Variants in MGAT5 observed in about 807,000 individuals in gnomAD.
MGAT5 encodes alpha-1,6-mannosylglycoprotein 6-beta-N-acetylglucosaminyltransferase, also known as alpha-1,6-mannosylglycoprotein 6-beta-N-acetylglucosaminyltransferase A.
Under a neutral mutation model 94.3 loss-of-function variants are expected in MGAT5, and 30 were observed. That is an observed-to-expected ratio of 0.32 (90% CI 0.24 to 0.43). MGAT5 has a LOEUF of 0.43. MGAT5 is among the 20% of genes least tolerant of loss of function. The probability of loss-of-function intolerance (pLI) is 1.00; values close to 1 mark genes in which losing one functional copy is unlikely to be tolerated. For missense variants in MGAT5, 691 were observed against 905.5 expected (o/e 0.76, Z 3.04); for synonymous variants, 310 against 322.9 (o/e 0.96, Z 0.43).
At chr2:134,212,389 G>T (rs1417757015) in intron 1 of MGAT5, among the ~76,000 whole-genome samples, 3 of 33,168 alleles carry the variant, frequency 9.0e-5, no homozygotes, top group South Asian at 1.8e-3. Flanking sequence ...TCTGGTATGT[G>T]GTGTCTTTGT....
At chr2:134,297,982 T>C (rs72978117) in intron 2 of MGAT5, among the ~76,000 whole-genome samples, 6,990 of 152,212 alleles carry the variant, frequency 0.046, 326 homozygotes, top group East Asian at 0.2. Context: ...TTGTTCTGTT[T>C]TCTGTTTAGC....
At position 134,156,899 on chromosome 2, in the gene MGAT5, G is replaced by A. The variant is rs1384133470; in HGVS notation, c.-143+36608G>A. On this transcript the variant is annotated intron_variant, in intron 1 of 16. Coordinates refer to the MGAT5 transcript ENST00000409645. ...GTTGGACTCGGACACATCCAGGTTT[G>A]ATGCAGCATGCCTTCAGGTAGCTCG... is the stretch of plus-strand genomic sequence containing the variant. Among the ~76,000 whole-genome samples the A allele has an allele frequency of 1.3e-4, 20 of 152,298 alleles. No homozygotes were observed. The South Asian group carries it at 2.9e-3, about 22-fold the overall frequency.
At chr2:134,346,610 G>A (rs1688937126) in intron 8 of MGAT5, among the ~76,000 whole-genome samples, 1 of 152,026 alleles carries the variant, frequency 6.6e-6, no homozygotes, top group South Asian at 2.1e-4. Context: ...GAAATTTAAT[G>A]GAATGTATTC....
chr2:134,119,961 A>G (rs544589691), upstream of MGAT5: 1 of 150,686 alleles, frequency 6.6e-6, no homozygotes, highest in African/African-American at 2.5e-5. Flanking sequence ...AAGCGGGGAG[A>G]AGTTGGTGAG....
At chr2:134,339,466 G>T (rs1336264576) in intron 6 of MGAT5, among the ~76,000 whole-genome samples, 1 of 151,946 alleles carries the variant, frequency 6.6e-6, no homozygotes, top group East Asian at 1.9e-4. Context: ...TTCTTATTTT[G>T]ATAAACTAAA....
intron 10 of MGAT5, among the ~76,000 whole-genome samples, chr2:134,402,519 T>C (rs1223624681): frequency 2.6e-5 from 4 of 152,178 alleles, no homozygotes; most frequent in Non-Finnish European, 2.9e-5. Flanking sequence ...CTGGGGAATG[T>C]TTGTATTCCT....
chr2:134,276,827 G>A (rs1368305426), intron 2 of MGAT5, among the ~76,000 whole-genome samples: 5 of 152,170 alleles, frequency 3.3e-5, no homozygotes, highest in African/African-American at 9.7e-5. Flanking sequence ...GGTTAGAGAT[G>A]TTCCTATGGC....
chr2:134,251,798 G>A (rs936664346), upstream of MGAT5, among the ~76,000 whole-genome samples: 3 of 151,960 alleles, frequency 2.0e-5, no homozygotes, highest in Non-Finnish European at 2.9e-5. Flanking sequence ...AGAAATATAC[G>A]TTATTATTAA....
chr2:134,269,716 C>A (rs1683912444), intron 1 of MGAT5, among the ~76,000 whole-genome samples: 2 of 152,132 alleles, frequency 1.3e-5, no homozygotes, highest in African/African-American at 2.4e-5. Flanking sequence ...GAAAGGGAAC[C>A]AACTCTTAAA....
chr2:134,299,114 C>T (rs188914661), intron 2 of MGAT5, among the ~76,000 whole-genome samples: 1 of 152,300 alleles, frequency 6.6e-6, no homozygotes, highest in East Asian at 1.9e-4. Context: ...GTCAATACCA[C>T]TATCATCATC....
chr2:134,351,249 C>G (rs563582370), intron 9 of MGAT5, among the ~76,000 whole-genome samples: 27 of 152,248 alleles, frequency 1.8e-4, no homozygotes, highest in African/African-American at 6.0e-4. Flanking sequence ...CGTTAGATAA[C>G]AGATGGCTTT....
intron 10 of MGAT5, among the ~76,000 whole-genome samples, chr2:134,388,137 A>T (rs1682145948): frequency 6.6e-6 from 1 of 152,228 alleles, no homozygotes; most frequent in South Asian, 2.1e-4. Context: ...AAAGTCAAGG[A>T]CAATGAAAAA....
At chr2:134,386,731 G>T (rs1682004803) in intron 10 of MGAT5, among the ~76,000 whole-genome samples, 1 of 152,152 alleles carries the variant, frequency 6.6e-6, no homozygotes, top group African/African-American at 2.4e-5. Context: ...CTAGTTACTA[G>T]GGAGATTAGG....
intron 1 of MGAT5, among the ~76,000 whole-genome samples, chr2:134,198,036 T>TG (rs968747698): frequency 8.5e-5 from 13 of 152,274 alleles, no homozygotes; most frequent in African/African-American, 3.1e-4. Context: ...AGAATAGCTT[T>TG]GGGGGAGCAA....
chr2:134,438,454 C>T (rs1295328478), intron 14 of MGAT5, among the ~76,000 whole-genome samples: 2 of 152,204 alleles, frequency 1.3e-5, no homozygotes, highest in Non-Finnish European at 2.9e-5. Flanking sequence ...TCATCAGTAA[C>T]TCCATTGATC....
At chr2:134,160,485 A>G (rs973380539) in intron 1 of MGAT5, among the ~76,000 whole-genome samples, 2 of 152,182 alleles carry the variant, frequency 1.3e-5, no homozygotes, top group African/African-American at 4.8e-5. Flanking sequence ...CTTTTGCAAA[A>G]TGCAGGCTGG....
At chr2:134,156,383 T>C (rs11897287) in intron 1 of MGAT5, among the ~76,000 whole-genome samples, 118,408 of 152,100 alleles carry the variant, frequency 0.78, 46,829 homozygotes, top group African/African-American at 0.92. Context: ...TCTCTGTCTG[T>C]TTGGCCTGTG....
intron 1 of MGAT5, among the ~76,000 whole-genome samples, chr2:134,120,463 G>A (rs1213361308): frequency 6.6e-6 from 1 of 151,902 alleles, no homozygotes; most frequent in Non-Finnish European, 1.5e-5. Context: ...TGCCGCCTGC[G>A]TGGGTGCCCC....
In MGAT5 at chr2:134,255,353, CA is replaced by C. The variant is rs569965909; in HGVS notation, c.241+711del. On this transcript the variant is annotated intron_variant, in intron 1 of 15. Transcript: ENST00000281923. ...TATAGAAAAAGTTGGAAGCTGTAGA[CA>C]AGCAAAAAAAGAAAAAAATTACACA... is the stretch of plus-strand genomic sequence containing the variant. 3.3e-3 allele frequency among the ~76,000 whole-genome samples: 501 copies of C among 151,546 alleles called. 1 individual carries two copies. Among genetic ancestry groups the C allele is most frequent in the African/African-American group, 0.011 (470 of 41,320 alleles).
Sources: gnomAD v4.1 joint callset for allele counts (sites outside exome capture counted in the v4.1 genomes callset) on GRCh38, gnomAD v4.1.1 for gene constraint, MANE v1.5 for transcripts, NCBI Gene and HGNC (gene_info 2026-07-23, HGNC 2026-07-21) for gene names.